LRP1B: variants seen among roughly 807,000 people sequenced by gnomAD.
LRP1B encodes the protein LDL receptor related protein 1B, also known as low-density lipoprotein receptor-related protein 1B.
Under a neutral mutation model 556.6 loss-of-function variants are expected in LRP1B, and 217 were observed. The ratio of observed to expected loss-of-function variants is 0.39; its 90% CI spans 0.35 to 0.44. The LOEUF is 0.44. Ranked by LOEUF, LRP1B falls within the 20% of genes least tolerant of loss-of-function variation. The pLI is 1.00. For synonymous variants in LRP1B, 2,047 were observed against 1,865.8 expected (o/e 1.10, Z -2.50); for missense variants, 5,053 against 5,620.8 (o/e 0.90, Z 3.23).
intron 6 of LRP1B, among the ~76,000 whole-genome samples, chr2:141,210,897 T>C (rs1682510433): frequency 6.6e-6 from 1 of 152,154 alleles, no homozygotes; most frequent in African/African-American, 2.4e-5. Flanking sequence ...CAATAAAAAA[T>C]AGGAATAGTC....
chr2:141,208,742 G>C (rs987759827), intron 6 of LRP1B, among the ~76,000 whole-genome samples: 1 of 151,620 alleles, frequency 6.6e-6, no homozygotes, highest in African/African-American at 2.4e-5. Context: ...AGTGGCAGGC[G>C]CCTGTAGTCC....
At chr2:140,702,732 A>T (rs914821278) in intron 37 of LRP1B, among the ~76,000 whole-genome samples, 179 bp from the exon 38 acceptor site, 1 of 152,130 alleles carries the variant, frequency 6.6e-6, no homozygotes, top group East Asian at 1.9e-4. Flanking sequence ...ATCGTAAAAA[A>T]ATAGTTAACC....
chr2:140,889,150 A>G (rs2105198006), intron 23 of LRP1B, among the ~76,000 whole-genome samples: 1 of 152,330 alleles, frequency 6.6e-6, no homozygotes, highest in Middle Eastern at 3.4e-3. Flanking sequence ...ACTAGTCCAT[A>G]GTGAAGTCAC....
chr2:140,350,985 T>C lies in LRP1B; in HGVS notation c.11704A>G (p.Ile3902Val). 2 of 1,605,312 alleles carry C rather than the reference T, an allele frequency of 1.2e-6. No individual in the cohort carries two copies. Among genetic ancestry groups the C allele is most frequent in the South Asian group, 2.2e-5 (2 of 90,718 alleles). The change falls in exon 77 of 91, where the codon ATA becomes GTA. Residue 3902 changes from isoleucine (I) to valine (V), a missense_variant. Coordinates refer to ENST00000389484, the MANE Select transcript of LRP1B (RefSeq NM_018557.3). ...TCGCCACTGTAGTTGAATGGATATA[T>C]AAAACCCAGGATATCAGTGTCATTA... is the stretch of plus-strand genomic sequence containing the variant. ...IANDTDILGF[I>V]YPFNYSGDHQ... is the part of the protein sequence containing the mutation.
At chr2:140,588,438 C>T (rs1485845) in intron 43 of LRP1B, among the ~76,000 whole-genome samples, 6 of 152,020 alleles carry the variant, frequency 3.9e-5, no homozygotes, top group African/African-American at 7.2e-5. Flanking sequence ...ATATACCTGA[C>T]GACACTATAG....
chr2:141,868,211 C>T (rs758063365), intron 1 of LRP1B, among the ~76,000 whole-genome samples: 1 of 152,174 alleles, frequency 6.6e-6, no homozygotes, highest in African/African-American at 2.4e-5. Flanking sequence ...AATCTCTGAA[C>T]GTTATTAAAT....
In LRP1B at chr2:140,393,645, T is replaced by C. The variant is rs186652717; in HGVS notation, c.10415-7636A>G. ...AATAGTTGGGTAACAGGTAGTAATG[T>C]TGGTTACCAATAAATAAATAAATAA... is the stretch of plus-strand genomic sequence containing the variant. On this transcript the variant is annotated intron_variant, in intron 66 of 90. Coordinates refer to ENST00000389484, the MANE Select transcript of LRP1B (RefSeq NM_018557.3). Among the ~76,000 whole-genome samples the C allele has an allele frequency of 3.5e-3, 527 of 152,112 alleles. 4 individuals carry two copies. The highest frequency in any genetic ancestry group is 0.012 in the African/African-American group (508 of 41,530).
chr2:141,323,664 T>G (rs1042826683), intron 3 of LRP1B, among the ~76,000 whole-genome samples: 5 of 152,070 alleles, frequency 3.3e-5, no homozygotes, highest in Non-Finnish European at 7.4e-5. Flanking sequence ...AGGTTTTTCC[T>G]AGTCCTAATA....
intron 2 of LRP1B, among the ~76,000 whole-genome samples, chr2:141,598,427 G>A (rs773190535): frequency 4.6e-5 from 7 of 152,040 alleles, no homozygotes; most frequent in Non-Finnish European, 7.4e-5. Context: ...AAAACTTACA[G>A]GTCTTTGAAA....
chr2:142,086,238 T>G (rs967878483), intron 1 of LRP1B, among the ~76,000 whole-genome samples: 2 of 152,172 alleles, frequency 1.3e-5, no homozygotes, highest in African/African-American at 4.8e-5. Flanking sequence ...TCCTTAGAAA[T>G]GAACCTACTT....
intron 1 of LRP1B, among the ~76,000 whole-genome samples, chr2:142,109,528 T>A (rs1018417246): frequency 6.6e-6 from 1 of 152,218 alleles, no homozygotes; most frequent in East Asian, 1.9e-4. Context: ...TGGGTACTTC[T>A]GATAGCAGTT....
At chr2:141,033,051 G>A (rs1232503622) in intron 11 of LRP1B, among the ~76,000 whole-genome samples, 1 of 151,870 alleles carries the variant, frequency 6.6e-6, no homozygotes, top group Non-Finnish European at 1.5e-5. Flanking sequence ...ACTTCCCAGG[G>A]AGGTAACATT....
intron 2 of LRP1B, among the ~76,000 whole-genome samples, chr2:141,740,881 A>G (rs538988006): frequency 1.3e-5 from 2 of 152,084 alleles, no homozygotes; most frequent in Non-Finnish European, 2.9e-5. Flanking sequence ...CCTTTTTTGT[A>G]CCCATTAACC....
intron 1 of LRP1B, among the ~76,000 whole-genome samples, chr2:142,021,809 C>T (rs1257006504): frequency 6.6e-6 from 1 of 152,032 alleles, no homozygotes; most frequent in African/African-American, 2.4e-5. Context: ...ATAAATTTCA[C>T]TTTGTGGAAG....
At chr2:142,077,757 T>G (rs1448935090) in intron 1 of LRP1B, among the ~76,000 whole-genome samples, 1 of 152,050 alleles carries the variant, frequency 6.6e-6, no homozygotes, top group African/African-American at 2.4e-5. Flanking sequence ...CTGCGAGGAA[T>G]TTGTCTTCAA....
At chr2:140,446,873 G>C (rs911062692) in intron 63 of LRP1B, among the ~76,000 whole-genome samples, 7 of 151,820 alleles carry the variant, frequency 4.6e-5, no homozygotes, top group Admixed American at 3.9e-4. Flanking sequence ...AGAAACAACA[G>C]AGTAAAGAGA....
chr2:141,782,703 T>C (rs548581065), intron 2 of LRP1B, among the ~76,000 whole-genome samples: 112 of 152,120 alleles, frequency 7.4e-4, no homozygotes, highest in Non-Finnish European at 1.5e-3. Flanking sequence ...AAAACAAACA[T>C]AACATATGTT....
chr2:142,100,224 G>T (rs1282009140), intron 1 of LRP1B, among the ~76,000 whole-genome samples: 2 of 151,902 alleles, frequency 1.3e-5, no homozygotes, highest in African/African-American at 4.8e-5. Flanking sequence ...GTTTATACAA[G>T]TAAGTGGCTT....
intron 1 of LRP1B, among the ~76,000 whole-genome samples, chr2:141,950,686 C>T (rs534608424): frequency 2.0e-5 from 3 of 152,200 alleles, no homozygotes; most frequent in South Asian, 2.1e-4. Flanking sequence ...CTTCTTCTAT[C>T]ATGGCTTTGA....
Sources: allele counts gnomAD v4.1 joint callset (sites outside exome capture counted in the v4.1 genomes callset), GRCh38; gene constraint gnomAD v4.1.1; transcripts MANE v1.5; gene names NCBI Gene and HGNC (gene_info 2026-07-23, HGNC 2026-07-21).